SH3GL3: variants seen among roughly 807,000 people sequenced by gnomAD.
The protein encoded by SH3GL3 is endophilin-A3.
Under a neutral mutation model 47.7 loss-of-function variants are expected in SH3GL3, and 33 were observed. The observed-to-expected ratio is 0.69, with a 90% CI of 0.52 to 0.92. SH3GL3 has a LOEUF of 0.92. Among genes scored for constraint, SH3GL3 ranks in the 40% least tolerant of loss-of-function variants. The pLI, the probability that SH3GL3 is intolerant of heterozygous loss-of-function variation, is 0.00. For missense variants in SH3GL3, 363 were observed against 417.8 expected, an observed-to-expected ratio of 0.87 and a Z score of 1.14; for synonymous variants, 155 against 148.8, an observed-to-expected ratio of 1.04 and a Z score of -0.30.
chr15:83,542,146 T>C (rs1480827232), intron 1 of SH3GL3, among the ~76,000 whole-genome samples: 1 of 152,220 alleles, frequency 6.6e-6, no homozygotes, highest in East Asian at 1.9e-4. Context: ...GATTTTTGTA[T>C]ATGGTGAGAG....
chr15:83,584,456 A>G (rs2059909428), intron 6 of SH3GL3, among the ~76,000 whole-genome samples: 1 of 152,190 alleles, frequency 6.6e-6, no homozygotes, highest in African/African-American at 2.4e-5. Flanking sequence ...TGCAGGTTCC[A>G]TGATTCTGTC....
downstream of SH3GL3, among the ~76,000 whole-genome samples, chr15:83,621,508 G>T (rs1250872101): frequency 2.0e-5 from 3 of 152,154 alleles, no homozygotes; most frequent in Admixed American, 6.5e-5. Context: ...TATAGGCATT[G>T]TTTGTGGTGC....
At chr15:83,462,410 C>T (rs1255182992) in intron 1 of SH3GL3, among the ~76,000 whole-genome samples, 2 of 152,224 alleles carry the variant, frequency 1.3e-5, no homozygotes, top group African/African-American at 4.8e-5. Context: ...CCTTAGTCCA[C>T]TTATTGAGTA....
chr15:83,481,397 A>T (rs544472055), intron 1 of SH3GL3, among the ~76,000 whole-genome samples: 1 of 152,198 alleles, frequency 6.6e-6, no homozygotes, highest in East Asian at 1.9e-4. Flanking sequence ...TGACACTAGG[A>T]CGTTAGGTGG....
chr15:83,513,829 A>G (rs1281235111), intron 1 of SH3GL3, among the ~76,000 whole-genome samples: 3 of 152,248 alleles, frequency 2.0e-5, no homozygotes, highest in Non-Finnish European at 2.9e-5. Context: ...TAAATGGATG[A>G]TCATCATAAA....
chr15:83,477,738 G>C (rs570277559), intron 1 of SH3GL3, among the ~76,000 whole-genome samples: 1 of 152,216 alleles, frequency 6.6e-6, no homozygotes, highest in African/African-American at 2.4e-5. Flanking sequence ...GAAATGTGGG[G>C]CATTTATTCT....
At chr15:83,500,981 T>G (rs931326713) in intron 1 of SH3GL3, among the ~76,000 whole-genome samples, 3 of 152,214 alleles carry the variant, frequency 2.0e-5, no homozygotes, top group Non-Finnish European at 4.4e-5. Flanking sequence ...TAATCATGGA[T>G]TTTGGAATAT....
chr15:83,545,915 T>A (rs1353938506), intron 1 of SH3GL3, among the ~76,000 whole-genome samples: 1 of 152,034 alleles, frequency 6.6e-6, no homozygotes, highest in Non-Finnish European at 1.5e-5. Flanking sequence ...CTTCTTGGAG[T>A]TAGTGGAGGG....
intron 3 of SH3GL3, among the ~76,000 whole-genome samples, chr15:83,567,707 T>G (rs2045616094): frequency 6.6e-6 from 1 of 152,132 alleles, no homozygotes; most frequent in South Asian, 2.1e-4. Flanking sequence ...GCAGAGTGTG[T>G]GTGTGTGTGC....
At chr15:83,556,710 C>T (rs1000454606) in intron 1 of SH3GL3, among the ~76,000 whole-genome samples, 5 of 152,120 alleles carry the variant, frequency 3.3e-5, no homozygotes, top group African/African-American at 9.7e-5. Flanking sequence ...ACACACCATC[C>T]GAAAACACAG....
At chr15:83,571,926 T>A (rs2045836842) in intron 4 of SH3GL3, among the ~76,000 whole-genome samples, 1 of 152,050 alleles carries the variant, frequency 6.6e-6, no homozygotes, top group Non-Finnish European at 1.5e-5. Context: ...CACACTGTAA[T>A]CCAGGAAAAA....
rs188546208 is a variant in SH3GL3 at position 83,502,192 on chromosome 15, T to G, written c.45+54614T>G. The stretch of plus-strand genomic sequence containing the variant: ...GTCTACAGACTTTTTAGGAATGACC[T>G]TCACCTGGGTGGGATGCATTCCCCT... On this transcript the variant is annotated intron_variant, in intron 1 of 8. Transcript: ENST00000427482. Among the ~76,000 whole-genome samples, 170 of 152,376 alleles carry G rather than the reference T, an allele frequency of 1.1e-3. 1 individual carries two copies. The highest frequency in any genetic ancestry group is 3.8e-3 in the African/African-American group (159 of 41,598).
intron 1 of SH3GL3, among the ~76,000 whole-genome samples, chr15:83,459,782 A>T (rs1297636661): frequency 6.6e-6 from 1 of 152,156 alleles, no homozygotes; most frequent in African/African-American, 2.4e-5. Flanking sequence ...ATATCTCAAG[A>T]GTTCAGCTTT....
At chr15:83,612,256 G>A (rs1304219498) in intron 8 of SH3GL3, among the ~76,000 whole-genome samples, 1 of 152,222 alleles carries the variant, frequency 6.6e-6, no homozygotes, top group Non-Finnish European at 1.5e-5. Context: ...TTGCCTAGAT[G>A]TGAGGGGGGT....
intron 8 of SH3GL3, among the ~76,000 whole-genome samples, chr15:83,602,456 T>C (rs956485056): frequency 5.9e-5 from 9 of 152,166 alleles, no homozygotes; most frequent in Non-Finnish European, 1.3e-4. Context: ...CTTCTAGCTG[T>C]GTCCTCACAT....
rs149998327 is a variant in SH3GL3, at chr15:83,497,835, C to T, written c.45+50257C>T. ...CAGGCATTTGTGTCTTTATTTTTGA[C>T]AACTCTGCTCTGTTGTGGATTTTGA... is the stretch of plus-strand genomic sequence containing the variant. On this transcript the variant is annotated intron_variant, in intron 1 of 8. Transcript: ENST00000427482. 1.9e-3 allele frequency among the ~76,000 whole-genome samples: 290 copies of T among 152,338 alleles called. 1 individual carries two copies. Among genetic ancestry groups the T allele is most frequent in the African/African-American group, 6.7e-3 (280 of 41,592 alleles).
intron 1 of SH3GL3, among the ~76,000 whole-genome samples, chr15:83,510,907 T>A (rs1434515066): frequency 2.0e-5 from 3 of 150,978 alleles, no homozygotes; most frequent in Non-Finnish European, 1.5e-5. Context: ...AGCTGGCCAC[T>A]CAGATGTTCT....
chr15:83,471,098 T>C (rs1489456207), intron 1 of SH3GL3, among the ~76,000 whole-genome samples: 2 of 152,236 alleles, frequency 1.3e-5, no homozygotes, highest in African/African-American at 2.4e-5. Context: ...TTTTTTCTTT[T>C]CTGATGTTCC....
At chr15:83,497,594 T>C (rs914594806) in intron 1 of SH3GL3, among the ~76,000 whole-genome samples, 6 of 152,178 alleles carry the variant, frequency 3.9e-5, no homozygotes, top group African/African-American at 1.4e-4. Flanking sequence ...GTTGGCCTCT[T>C]GTTTAAATCC....
Sources: gnomAD v4.1 joint callset for allele counts (sites outside exome capture counted in the v4.1 genomes callset) on GRCh38, gnomAD v4.1.1 for gene constraint, MANE v1.5 for transcripts, NCBI Gene and HGNC (gene_info 2026-07-23, HGNC 2026-07-21) for gene names.